Variants in ACOX3 observed in about 807,000 individuals in gnomAD.
The protein encoded by ACOX3 is acyl-CoA oxidase 3, pristanoyl.
A neutral mutation model predicts 81.5 loss-of-function variants in ACOX3; 73 were observed. The observed-to-expected ratio is 0.90, with a 90% CI of 0.74 to 1.09. The LOEUF is 1.09. Among genes scored for constraint, ACOX3 ranks in the 50% least tolerant of loss-of-function variants. The probability of loss-of-function intolerance (pLI) is 0.00; values close to 1 mark genes in which losing one functional copy is unlikely to be tolerated. For synonymous variants in ACOX3, 387 were observed against 375.1 expected (o/e 1.03, Z -0.37); for missense variants, 947 against 928.0 (o/e 1.02, Z -0.27).
At position 8,389,674 on chromosome 4, in the gene ACOX3, T is replaced by G. The variant is rs1361515260; in HGVS notation, c.1361A>C (p.Asn454Thr). 1 of 1,613,978 alleles carries G rather than the reference T, an allele frequency of 6.2e-7. No homozygotes were observed. The highest frequency in any genetic ancestry group is 8.5e-7 in the Non-Finnish European group (1 of 1,180,006). The change falls in exon 12 of 18, where the codon AAC (asparagine) becomes ACC (threonine). Residue 454 changes from asparagine to threonine, a missense_variant. By Grantham distance (65) the Asn-to-Thr change is moderately conservative. Coordinates refer to ENST00000356406, the MANE Select transcript of ACOX3 (RefSeq NM_003501.3). The surrounding 1 kb of genome is among the most constrained non-coding windows in gnomAD (Gnocchi z 5.3). ...GCTTGTCTGCTGCAGCAGGATGTTG[T>G]TGTCACCTTCGTATGTGCAGTTGGG... ...NDPNCTYEGD[N>T]NILLQQTSNY...
rs1217012916 is a variant in ACOX3 at position 8,437,032 on chromosome 4, A to C, written c.-15+3616T>G. On this transcript the variant is annotated intron_variant, in intron 1 of 17. Coordinates refer to ENST00000356406, the MANE Select transcript of ACOX3 (RefSeq NM_003501.3). The surrounding 1 kb of genome is among the most constrained non-coding windows in gnomAD (Gnocchi z 5.2). ...ATCAGCATATATATATATTCGAAAA[A>C]ATATATATAAATATATATATACAAA... is the stretch of plus-strand genomic sequence containing the variant. Among the ~76,000 whole-genome samples the C allele has an allele frequency of 6.8e-6, 1 of 146,522 alleles. No homozygotes were observed. The highest frequency in any genetic ancestry group is 1.5e-5 in the Non-Finnish European group (1 of 66,864).
intron 15 of ACOX3, chr4:8,374,067 C>A: frequency 4.9e-6 from 1 of 206,038 alleles, no homozygotes. Flanking sequence ...GCGGTGGGCA[C>A]CTGCAGGGAC....
rs1723877132 is a variant in ACOX3, at chr4:8,430,201, T to C, written c.-15+10447A>G. 6.6e-6 allele frequency among the ~76,000 whole-genome samples: 1 copy of C among 152,230 alleles called. No homozygotes were observed. Among genetic ancestry groups the C allele is most frequent in the Non-Finnish European group, 1.5e-5 (1 of 68,044 alleles). ...ATTTAAACAGACATATAATTATGGG[T>C]ATCAGTGGGAGCGTCCGATTGCAAA... On this transcript the variant is annotated intron_variant, in intron 1 of 17. Coordinates refer to ENST00000356406, the MANE Select transcript of ACOX3 (RefSeq NM_003501.3). This position sits in a 1 kb window ranked among gnomAD's most constrained non-coding sequence, Gnocchi z 5.2.
chr4:8,374,842 ATC>A, intron 15 of ACOX3, 134 bp downstream of exon 15: 2 of 967,684 alleles, frequency 2.1e-6, no homozygotes, highest in Non-Finnish European at 2.9e-6. Flanking sequence ...TGGGCTTCTC[ATC>A]TGTCCACAGC....
Position 8,416,059 on chromosome 4 carries a change from C to T in ACOX3, c.145-60G>A. 2.0e-6 allele frequency: 3 copies of T among 1,534,206 alleles called. No homozygotes were observed. The highest frequency in any genetic ancestry group is 2.7e-6 in the Non-Finnish European group (3 of 1,112,932). ...AGTAAAAGATGGACTCTCCATGTGC[C>T]CTTATATAGTTGACCTCCAGGCCAC... is the stretch of plus-strand genomic sequence containing the variant. On this transcript the variant is annotated intron_variant, in intron 2 of 17. Transcript: ENST00000356406. The surrounding 1 kb of genome is among the most constrained non-coding windows in gnomAD (Gnocchi z 4.2).
chr4:8,378,643 G>C lies in ACOX3; in HGVS notation c.1653+2849C>G, dbSNP rs115181110. ...TTACTCCCAGGCTAGAGGTAGGGAG[G>C]AGGGACGCCACCACCCATCTTTTGT... On this transcript the variant is annotated intron_variant, in intron 14 of 17. Transcript: ENST00000356406. 3.0e-3 allele frequency among the ~76,000 whole-genome samples: 462 copies of C among 152,006 alleles called. 2 individuals carry two copies. The highest frequency in any genetic ancestry group is 0.011 in the African/African-American group (451 of 41,464).
intron 11 of ACOX3, among the ~76,000 whole-genome samples, chr4:8,390,234 C>T (rs116066818): frequency 0.015 from 2,269 of 152,112 alleles, 61 homozygotes; most frequent in African/African-American, 0.051. Flanking sequence ...CCCAGCTACC[C>T]AGGAGGCTGA....
At position 8,416,058 on chromosome 4, in the gene ACOX3, C is replaced by T; in HGVS notation, c.145-59G>A. ...GAGTAAAAGATGGACTCTCCATGTG[C>T]CCTTATATAGTTGACCTCCAGGCCA... On this transcript the variant is annotated intron_variant, in intron 2 of 17. Transcript: ENST00000356406. This position sits in a 1 kb window ranked among gnomAD's most constrained non-coding sequence, Gnocchi z 4.2. 6.5e-7 allele frequency: 1 copy of T among 1,535,816 alleles called. No homozygotes were observed. Among genetic ancestry groups the T allele is most frequent in the Non-Finnish European group, 9.0e-7 (1 of 1,114,074 alleles).
At position 8,381,740 on chromosome 4, in the gene ACOX3, G is replaced by C; in HGVS notation, c.1538-133C>G. 1.5e-6 allele frequency: 1 copy of C among 667,658 alleles called. No individual in the cohort carries two copies. Among genetic ancestry groups the C allele is most frequent in the Non-Finnish European group, 2.6e-6 (1 of 390,284 alleles). The allele number at this position is 667,658 out of a possible 1,614,324, so 41.4% of individuals were successfully genotyped here. On this transcript the variant is annotated intron_variant, in intron 13 of 17. Coordinates refer to ENST00000356406, the MANE Select transcript of ACOX3 (RefSeq NM_003501.3). This position sits in a 1 kb window ranked among gnomAD's most constrained non-coding sequence, Gnocchi z 4.3. ...TGTCTTCATTGACAACCAAGTGTAT[G>C]GGGTGGGTCTGATTTTATAGGTAGG...
At chr4:8,361,044 G>A in the ACOX3 span, among the ~76,000 whole-genome samples, 17 of 152,258 alleles carry the variant, frequency 1.1e-4, no homozygotes, top group African/African-American at 3.6e-4. Context: ...TGCAAGATGT[G>A]TAAGAAAAGT....
chr4:8,410,136 A>G, intron 6 of ACOX3, 76 bp downstream of exon 6: 1 of 1,527,298 alleles, frequency 6.5e-7, no homozygotes, highest in Non-Finnish European at 8.8e-7. Flanking sequence ...TTGTTATGAC[A>G]AAAATGACTC....
rs1188176631 is a variant in ACOX3, at chr4:8,368,423, A to G, written c.1984-1343T>C. Among the ~76,000 whole-genome samples the G allele has an allele frequency of 6.6e-6, 1 of 152,174 alleles. No homozygotes were observed. Among genetic ancestry groups the G allele is most frequent in the East Asian group, 1.9e-4 (1 of 5,192 alleles). On this transcript the variant is annotated intron_variant, in intron 17 of 17. Coordinates refer to ENST00000356406, the MANE Select transcript of ACOX3 (RefSeq NM_003501.3). This position sits in a 1 kb window ranked among gnomAD's most constrained non-coding sequence, Gnocchi z 5.9. The stretch of plus-strand genomic sequence containing the variant: ...CCCAGACCATCTCCAGGGCCTGGGG[A>G]GGTGGTCTATTGTGTATCCAGCTTA...
At chr4:8,371,656 G>C (rs1040553356) in intron 16 of ACOX3, among the ~76,000 whole-genome samples, 2 of 152,270 alleles carry the variant, frequency 1.3e-5, no homozygotes, top group African/African-American at 4.8e-5. Context: ...AGTAAGAAAG[G>C]CCACAATGGA....
chr4:8,439,444 T>G (rs1239445183), intron 1 of ACOX3: 2 of 152,206 alleles, frequency 1.3e-5, no homozygotes, highest in Non-Finnish European at 2.9e-5. Context: ...ATAAAAAGGC[T>G]AACATGAGAG....
intron 14 of ACOX3, among the ~76,000 whole-genome samples, chr4:8,376,315 C>A (rs1215941354): frequency 1.3e-5 from 2 of 151,174 alleles, no homozygotes; most frequent in African/African-American, 4.9e-5. Flanking sequence ...CATTGCTTGA[C>A]TTGTTAGGAT....
chr4:8,394,764 C>T lies in ACOX3; in HGVS notation c.1057-22G>A, dbSNP rs747765109. 1.1e-5 allele frequency: 18 copies of T among 1,605,848 alleles called. No homozygotes were observed. Among genetic ancestry groups the T allele is most frequent in the East Asian group, 4.5e-5 (2 of 44,610 alleles). Reference sequence around the variant, plus strand: ...ATTGCTAGAACAGACAAGACACCTGCGTGAACACATCGTGGTTCCCATGAA... The same window carrying T: ...ATTGCTAGAACAGACAAGACACCTGTGTGAACACATCGTGGTTCCCATGAA... On this transcript the variant is annotated intron_variant, in intron 9 of 17. Coordinates refer to ENST00000356406, the MANE Select transcript of ACOX3 (RefSeq NM_003501.3). This position sits in a 1 kb window ranked among gnomAD's most constrained non-coding sequence, Gnocchi z 5.9.
intron 14 of ACOX3, among the ~76,000 whole-genome samples, chr4:8,377,863 C>T (rs753240168): frequency 2.0e-5 from 3 of 152,224 alleles, no homozygotes; most frequent in Non-Finnish European, 2.9e-5. Context: ...AGTGTCCCCA[C>T]AGCTACGGTT....
At chr4:8,402,044 G>A (rs534179658) in intron 7 of ACOX3, among the ~76,000 whole-genome samples, 7 of 152,334 alleles carry the variant, frequency 4.6e-5, no homozygotes, top group East Asian at 1.9e-4. Flanking sequence ...CTTAAGGGAC[G>A]GGCACGTAAG....
rs907119402 is a variant in ACOX3 at position 8,440,718 on chromosome 4, T to A, written c.-85A>T. ...GAAAGGATCTCCAGCGGCGCCATTC[T>A]CATTTCCGGTCCCAGCACCCCGCCT... On this transcript the variant is annotated 5_prime_UTR_variant, in exon 1 of 18. The change creates a premature stop within an existing upstream ORF in the 5' untranslated region. Coordinates refer to ENST00000356406, the MANE Select transcript of ACOX3 (RefSeq NM_003501.3). The A allele has an allele frequency of 1.1e-5, 15 of 1,330,516 alleles. No individual in the cohort carries two copies. In the Admixed American group the frequency reaches 1.8e-4, roughly 16 times the overall value. 82.4% of individuals were successfully genotyped at this position (1,330,516 alleles called of 1,614,324 possible).
Sources: allele counts gnomAD v4.1 joint callset (sites outside exome capture counted in the v4.1 genomes callset), GRCh38; gene constraint gnomAD v4.1.1; non-coding constraint Gnocchi (gnomAD v3.1); transcripts MANE v1.5; gene names NCBI Gene and HGNC (gene_info 2026-07-23, HGNC 2026-07-21).